The following KLF8 variants were observed in gnomAD, a reference collection of about 807,000 sequenced individuals.
KLF8 encodes Krueppel-like factor 8.
A neutral mutation model predicts 18.2 loss-of-function variants in KLF8; 10 were observed. The ratio of observed to expected loss-of-function variants is 0.55; its 90% CI spans 0.34 to 0.93. The LOEUF is 0.93. KLF8 is among the 40% of genes least tolerant of loss of function. The probability of loss-of-function intolerance (pLI) is 0.02; values close to 1 mark genes in which losing one functional copy is unlikely to be tolerated. For missense variants in KLF8, 264 were observed against 277.9 expected (o/e 0.95, Z 0.36); for synonymous variants, 109 against 97.3 (o/e 1.12, Z -0.71).
chrX:56,199,472 A>T, the KLF8 span, among the ~76,000 whole-genome samples: 1 of 112,394 alleles, frequency 8.9e-6, no homozygotes, highest in Non-Finnish European at 1.9e-5. Context: ...TATGCAGCCT[A>T]CAGACACATG....
chrX:56,033,661 TCTTCACTTGTTATCA>T, the KLF8 span, among the ~76,000 whole-genome samples: 1 of 111,907 alleles, frequency 8.9e-6, no homozygotes, highest in East Asian at 2.8e-4. Flanking sequence ...AGTTCCTTTC[TCTTCACTTGTTATCA>T]CTTCTCTTTT....
At position 56,269,427 on chromosome X, in the gene KLF8, T is replaced by A; in HGVS notation, c.696T>A (p.Ser232Arg). The change falls in exon 4 of 6, where the codon AGT becomes AGA. Residue 232 changes from serine to arginine, a missense_variant. Coordinates refer to ENST00000468660, the MANE Select transcript of KLF8 (RefSeq NM_007250.5). The stretch of plus-strand genomic sequence containing the variant: ...CTCCACTGGAAATTCCAAGTGACAG[T>A]GAGGAGAGTACAATTGAGAGTGGAT... ...SMSPLEIPSD[S>R]EESTIESGSS... 8.3e-7 allele frequency: 1 copy of A among 1,209,233 alleles called. No homozygotes were observed. The highest frequency in any genetic ancestry group is 1.1e-6 in the Non-Finnish European group (1 of 894,506).
At position 56,286,823 on chromosome X, in the gene KLF8, A is replaced by G. The variant is rs1460163787; in HGVS notation, c.*2329A>G. 1.8e-5 allele frequency: 2 copies of G among 112,145 alleles called. No homozygotes were observed. Among genetic ancestry groups the G allele is most frequent in the African/African-American group, 6.5e-5 (2 of 30,853 alleles). 9.2% of individuals were successfully genotyped at this position (112,145 alleles called of 1,213,427 possible). ...GTTCCAAACTTGCATAATAATTGCT[A>G]ACGCACTAGGCGATATCTAGGGCCA... On this transcript the variant is annotated 3_prime_UTR_variant, in exon 6 of 6. Transcript: ENST00000468660.
chrX:56,248,686 G>GC (rs1256945061), intron 1 of KLF8, among the ~76,000 whole-genome samples: 3 of 111,285 alleles, frequency 2.7e-5, no homozygotes, highest in African/African-American at 6.5e-5. Flanking sequence ...GCGTTTTGGT[G>GC]CCCCCCTGTG....
chrX:56,051,205 G>C, the KLF8 span, among the ~76,000 whole-genome samples: 4 of 111,394 alleles, frequency 3.6e-5, no homozygotes, highest in Admixed American at 9.6e-5. Context: ...ATACTGATGG[G>C]TCTTGACTCT....
the KLF8 span, among the ~76,000 whole-genome samples, chrX:55,917,602 C>T: frequency 2.7e-5 from 3 of 111,070 alleles, no homozygotes; most frequent in Admixed American, 9.6e-5. Flanking sequence ...TAGAGAGTGA[C>T]CTTGGGAATC....
chrX:56,011,717 A>T, the KLF8 span, among the ~76,000 whole-genome samples: 1 of 111,940 alleles, frequency 8.9e-6, no homozygotes, highest in African/African-American at 3.2e-5. Context: ...AGTTAGACTA[A>T]TAAAGAAGAA....
chrX:56,167,162 G>T, the KLF8 span, among the ~76,000 whole-genome samples: 1 of 111,170 alleles, frequency 9.0e-6, no homozygotes, highest in East Asian at 2.8e-4. Context: ...ATAGAGTCTT[G>T]TTCTGTCGTC....
chrX:55,944,255 G>A, the KLF8 span, among the ~76,000 whole-genome samples: 2 of 108,824 alleles, frequency 1.8e-5, no homozygotes, highest in Admixed American at 2.0e-4. Context: ...GAGGATTTTT[G>A]CATCAATGTT....
the KLF8 span, among the ~76,000 whole-genome samples, chrX:56,181,981 G>C: frequency 9.0e-6 from 1 of 111,245 alleles, no homozygotes; most frequent in Admixed American, 9.6e-5. Flanking sequence ...GGTGCTCTCT[G>C]TATTTCCTGA....
At chrX:56,030,552 C>T in the KLF8 span, among the ~76,000 whole-genome samples, 5 of 111,031 alleles carry the variant, frequency 4.5e-5, no homozygotes, top group South Asian at 1.9e-3. Context: ...CACAAAGGCA[C>T]GCCTTTCCAT....
intron 5 of KLF8, among the ~76,000 whole-genome samples, chrX:56,282,952 A>G (rs1028729216): frequency 8.9e-6 from 1 of 111,755 alleles, no homozygotes; most frequent in Non-Finnish European, 1.9e-5. Context: ...AAAGGGTATA[A>G]AGTAAAAATG....
At chrX:55,964,906 C>T in the KLF8 span, among the ~76,000 whole-genome samples, 5 of 111,330 alleles carry the variant, frequency 4.5e-5, no homozygotes, top group Non-Finnish European at 9.4e-5. Context: ...AATTGAATCC[C>T]TAATAAAAAA....
the KLF8 span, among the ~76,000 whole-genome samples, chrX:56,073,877 C>T: frequency 1.8e-5 from 2 of 110,498 alleles, no homozygotes; most frequent in Non-Finnish European, 3.8e-5. Context: ...TCCCAAGTTG[C>T]TGGGACTATA....
the KLF8 span, among the ~76,000 whole-genome samples, chrX:55,970,216 G>T: frequency 1.8e-5 from 2 of 110,600 alleles, no homozygotes; most frequent in Non-Finnish European, 3.8e-5. Context: ...ACGTTAAAAA[G>T]ATCATTCATC....
the KLF8 span, among the ~76,000 whole-genome samples, chrX:55,990,315 C>T: frequency 1.8e-5 from 2 of 111,860 alleles, no homozygotes; most frequent in African/African-American, 6.5e-5. Context: ...TTAGATCTTT[C>T]CTGCTTTCTC....
At chrX:56,204,827 C>T in the KLF8 span, among the ~76,000 whole-genome samples, 10 of 110,356 alleles carry the variant, frequency 9.1e-5, no homozygotes, top group Non-Finnish European at 1.9e-4. Flanking sequence ...TAGATAACAA[C>T]AGTTTGATTC....
the KLF8 span, among the ~76,000 whole-genome samples, chrX:56,066,278 G>A: frequency 3.6e-5 from 4 of 112,180 alleles, no homozygotes; most frequent in Non-Finnish European, 5.6e-5. Context: ...AGATGTCAAA[G>A]GTGATGAATG....
chrX:55,917,406 G>T, the KLF8 span, among the ~76,000 whole-genome samples: 1 of 111,960 alleles, frequency 8.9e-6, no homozygotes, highest in East Asian at 2.8e-4. Context: ...GCAGGTGAAG[G>T]CAGTATTTAT....
Sources: gnomAD v4.1 joint callset for allele counts (sites outside exome capture counted in the v4.1 genomes callset) on GRCh38, gnomAD v4.1.1 for gene constraint, MANE v1.5 for transcripts, NCBI Gene and HGNC (gene_info 2026-07-23, HGNC 2026-07-21) for gene names.